ALG6: variants seen among roughly 807,000 people sequenced by gnomAD.
ALG6 encodes the protein dolichyl pyrophosphate Man9GlcNAc2 alpha-1,3-glucosyltransferase.
A neutral mutation model predicts 66.6 loss-of-function variants in ALG6; 46 were observed. That is an observed-to-expected ratio of 0.69 (90% CI 0.55 to 0.88). ALG6 has a LOEUF of 0.88. Among genes scored for constraint, ALG6 ranks in the 40% least tolerant of loss-of-function variants. The pLI, the probability that ALG6 is intolerant of heterozygous loss-of-function variation, is 0.00. For missense variants in ALG6, 505 were observed against 586.8 expected (o/e 0.86, Z 1.44); for synonymous variants, 185 against 203.7 (o/e 0.91, Z 0.78).
chr1:63,411,724 G>A (rs553074806), intron 8 of ALG6, among the ~76,000 whole-genome samples: 1 of 152,290 alleles, frequency 6.6e-6, no homozygotes, highest in South Asian at 2.1e-4. Context: ...GGTGATAACA[G>A]TCCTTTTGTT....
intron 2 of ALG6, 30 bp downstream of exon 2, chr1:63,371,089 A>AT (rs1557577075): frequency 1.1e-5 from 17 of 1,514,376 alleles, no homozygotes; most frequent in Non-Finnish European, 1.5e-5. Context: ...TAAAAAAAAA[A>AT]CGAAATTTTC....
In ALG6 at chr1:63,370,145, A is replaced by G. The variant is rs1412059113; in HGVS notation, c.-207-626A>G. 2.0e-5 allele frequency among the ~76,000 whole-genome samples: 3 copies of G among 150,274 alleles called. No homozygotes were observed. In the Admixed American group the frequency reaches 2.0e-4, roughly 10 times the overall value. ...AATTTGCTTCTTACTTTAAAACCCC[A>G]ACCTAAGGAAAACTGTAAAAAAAAA... On this transcript the variant is annotated intron_variant, in intron 1 of 14. Coordinates refer to ENST00000263440, the MANE Select transcript of ALG6 (RefSeq NM_013339.4).
intron 2 of ALG6, among the ~76,000 whole-genome samples, chr1:63,386,195 G>A (rs933512414): frequency 6.6e-6 from 1 of 152,114 alleles, no homozygotes; most frequent in Non-Finnish European, 1.5e-5. Flanking sequence ...TCTTTTTAAT[G>A]CACTGTTGAT....
At chr1:63,436,001 CA>C (rs1644676899) in intron 14 of ALG6, among the ~76,000 whole-genome samples, 1 of 152,162 alleles carries the variant, frequency 6.6e-6, no homozygotes, top group South Asian at 2.1e-4. Flanking sequence ...ACATTCCCCT[CA>C]GTAGATGGAA....
intron 11 of ALG6, among the ~76,000 whole-genome samples, chr1:63,419,030 C>T (rs1443734346): frequency 3.3e-5 from 5 of 151,870 alleles, no homozygotes; most frequent in African/African-American, 1.2e-4. Flanking sequence ...ACCTTCTTGT[C>T]TTTCATGGTT....
At chr1:63,400,303 ATATG>A (rs1487497857) in intron 3 of ALG6, among the ~76,000 whole-genome samples, 1 of 15,668 alleles carries the variant, frequency 6.4e-5, no homozygotes, top group Non-Finnish European at 9.1e-5. Context: ...ATACGTATAT[ATATG>A]TATATATATA....
chr1:63,436,713 C>G, intron 14 of ALG6, 110 bp from the exon 15 acceptor site: 60 of 1,006,048 alleles, frequency 6.0e-5, no homozygotes, highest in Non-Finnish European at 8.0e-5. Context: ...ATAAATTAGA[C>G]CCTCAACCCT....
chr1:63,420,688 G>A (rs1644568535), intron 12 of ALG6, among the ~76,000 whole-genome samples: 1 of 151,736 alleles, frequency 6.6e-6, no homozygotes, highest in South Asian at 2.1e-4. Flanking sequence ...GTGAAACCCT[G>A]TCTCTACTAA....
At chr1:63,391,927 C>A (rs1648685098) in intron 2 of ALG6, among the ~76,000 whole-genome samples, 1 of 152,084 alleles carries the variant, frequency 6.6e-6, no homozygotes, top group Non-Finnish European at 1.5e-5. Context: ...TGTAGAGATT[C>A]ACAGTTCCTC....
intron 2 of ALG6, among the ~76,000 whole-genome samples, chr1:63,378,786 G>A (rs185794057): frequency 2.7e-5 from 4 of 149,770 alleles, no homozygotes; most frequent in Non-Finnish European, 5.9e-5. Context: ...CCATCTCGGG[G>A]TTTCTTCACA....
At chr1:63,386,791 T>A (rs561447849) in intron 2 of ALG6, among the ~76,000 whole-genome samples, 1 of 152,324 alleles carries the variant, frequency 6.6e-6, no homozygotes, top group East Asian at 1.9e-4. Context: ...CAACTTCGTT[T>A]ATTTCTGCTC....
At chr1:63,370,165 A>G (rs1205963701) in intron 1 of ALG6, among the ~76,000 whole-genome samples, 1 of 152,040 alleles carries the variant, frequency 6.6e-6, no homozygotes, top group Non-Finnish European at 1.5e-5. Flanking sequence ...AAACTGTAAA[A>G]AAAAAAAAAA....
At chr1:63,423,198 A>C (rs1252018051) in intron 12 of ALG6, among the ~76,000 whole-genome samples, 3 of 151,776 alleles carry the variant, frequency 2.0e-5, no homozygotes, top group Admixed American at 6.6e-5. Context: ...TAATTTTTGT[A>C]TTTTTGGAAG....
In ALG6 at chr1:63,427,607, A is replaced by G. The variant is rs147490513; in HGVS notation, c.1059-1126A>G. 1.9e-3 allele frequency among the ~76,000 whole-genome samples: 286 copies of G among 152,088 alleles called. 1 individual carries two copies. Among genetic ancestry groups the G allele is most frequent in the Middle Eastern group, 3.4e-3 (1 of 292 alleles). ...ATTATTTCCATTTCCACTTAAGAAA[A>G]TAGATTAATCATTTGCTCAAGGTCA... On this transcript the variant is annotated intron_variant, in intron 12 of 14. Transcript: ENST00000263440.
Position 63,393,019 on chromosome 1 carries a change from C to A in ALG6, c.83-3494C>A, listed in dbSNP as rs533353093. 2.6e-5 allele frequency among the ~76,000 whole-genome samples: 4 copies of A among 152,224 alleles called. No individual in the cohort carries two copies. The East Asian group carries it at 7.7e-4, about 29-fold the overall frequency. On this transcript the variant is annotated intron_variant, in intron 2 of 14. Coordinates refer to ENST00000263440, the MANE Select transcript of ALG6 (RefSeq NM_013339.4). Reference sequence around the variant, plus strand: ...TTCCACATTGACCACAAGTCTAGAGCAATTTCAGAAAATCTAGATAGTTGG... The same window carrying A: ...TTCCACATTGACCACAAGTCTAGAGAAATTTCAGAAAATCTAGATAGTTGG...
chr1:63,412,899 T>C (rs561728313), intron 9 of ALG6, among the ~76,000 whole-genome samples: 1 of 152,298 alleles, frequency 6.6e-6, no homozygotes, highest in East Asian at 1.9e-4. Flanking sequence ...TTTGAATATA[T>C]AAATTTCTAT....
intron 4 of ALG6, among the ~76,000 whole-genome samples, chr1:63,404,226 A>T (rs2100415112): frequency 6.6e-6 from 1 of 152,344 alleles, no homozygotes; most frequent in East Asian, 1.9e-4. Context: ...GCTTGTAGTT[A>T]TACCTTACAT....
intron 2 of ALG6, among the ~76,000 whole-genome samples, chr1:63,383,671 A>G (rs1414347804): frequency 6.6e-6 from 1 of 152,242 alleles, no homozygotes; most frequent in Non-Finnish European, 1.5e-5. Context: ...TATTCTTTGT[A>G]TTATAAACAT....
intron 14 of ALG6, among the ~76,000 whole-genome samples, chr1:63,432,540 T>C (rs1324480840): frequency 6.6e-6 from 1 of 152,228 alleles, no homozygotes; most frequent in Non-Finnish European, 1.5e-5. Flanking sequence ...TAGATTGCAA[T>C]GTATTTGAGG....
Sources: gnomAD v4.1 joint callset for allele counts (sites outside exome capture counted in the v4.1 genomes callset) on GRCh38, gnomAD v4.1.1 for gene constraint, MANE v1.5 for transcripts, NCBI Gene and HGNC (gene_info 2026-07-23, HGNC 2026-07-21) for gene names.